Variants in LGI2 observed in about 807,000 individuals in gnomAD.
LGI2 encodes leucine-rich repeat LGI family member 2.
A neutral mutation model predicts 52.0 loss-of-function variants in LGI2; 30 were observed. That is an observed-to-expected ratio of 0.58 (90% CI 0.43 to 0.78). LGI2 has a LOEUF of 0.78. Ranked by LOEUF, LGI2 falls within the 30% of genes least tolerant of loss-of-function variation. LGI2 has a pLI of 0.00. For missense variants in LGI2, 573 were observed against 692.5 expected (o/e 0.83, Z 1.94); for synonymous variants, 270 against 271.8 (o/e 0.99, Z 0.06).
Position 25,003,820 on chromosome 4 carries a change from C to T in LGI2, c.1269G>A (p.Val423=), listed in dbSNP as rs1725319352. The T allele has an allele frequency of 1.2e-6, 2 of 1,614,170 alleles. No individual in the cohort carries two copies. The highest frequency in any genetic ancestry group is 1.7e-6 in the Non-Finnish European group (2 of 1,180,038). ...DIPNMEDVLA[V]KSFRMQNTLY... ...GGGTATTTTGCATTCGGAAGCTCTT[C>T]ACAGCCAGTACGTCCTCCATGTTGG... Residue 423 remains valine (V), a synonymous_variant, in exon 8 of 8, where the codon GTG becomes GTA. Transcript: ENST00000382114.
intron 7 of LGI2, among the ~76,000 whole-genome samples, chr4:25,006,627 T>C (rs1010357264): frequency 3.3e-5 from 5 of 152,214 alleles, no homozygotes; most frequent in Admixed American, 6.5e-5. Context: ...ATTTTGAAAA[T>C]ACTAAGAGGT....
intron 6 of LGI2, among the ~76,000 whole-genome samples, chr4:25,016,896 G>A (rs1725781258): frequency 6.6e-6 from 1 of 152,122 alleles, no homozygotes; most frequent in Non-Finnish European, 1.5e-5. Context: ...TATAAATTGG[G>A]TAAGCAGGTT....
At chr4:25,029,424 G>A (rs1726254168) in intron 1 of LGI2, among the ~76,000 whole-genome samples, 1 of 152,182 alleles carries the variant, frequency 6.6e-6, no homozygotes, top group South Asian at 2.1e-4. Context: ...AATTTGCCTT[G>A]GGTGGGAGGC....
chr4:25,003,156 CG>C lies in LGI2; in HGVS notation c.*294del, dbSNP rs569141952. 8 of 232,980 alleles carry C rather than the reference CG, an allele frequency of 3.4e-5. No homozygotes were observed. The highest frequency in any genetic ancestry group is 5.7e-5 in the Non-Finnish European group (7 of 122,658). The allele number at this position is 232,980 out of a possible 1,614,324, so 14.4% of individuals were successfully genotyped here. Reference sequence around the variant, plus strand: ...AATTGTCTTCTTCCTCATCAAAAAGCGGGGGGGAAGCATATTACATTTCTAG... The same window carrying C: ...AATTGTCTTCTTCCTCATCAAAAAGCGGGGGGAAGCATATTACATTTCTAG... On this transcript the variant is annotated 3_prime_UTR_variant, in exon 8 of 8. Transcript: ENST00000382114.
chr4:25,029,263 A>T (rs1322281973), intron 1 of LGI2, among the ~76,000 whole-genome samples: 1 of 152,216 alleles, frequency 6.6e-6, no homozygotes, highest in Non-Finnish European at 1.5e-5. Flanking sequence ...GAAGGATTTA[A>T]TAAGGGGAAC....
chr4:25,000,442 A>G lies in LGI2; in HGVS notation c.*3009T>C, dbSNP rs1017826597. ...CTATTTATGAACAAATGAGGTGAGTACTAATGTGCATTGGAAAAATATAAA... is the reference window on the plus strand; with the variant it reads ...CTATTTATGAACAAATGAGGTGAGTGCTAATGTGCATTGGAAAAATATAAA... On this transcript the variant is annotated 3_prime_UTR_variant, in exon 8 of 8. Transcript: ENST00000382114. The G allele has an allele frequency of 6.6e-6, 1 of 152,388 alleles. No homozygotes were observed. The highest frequency in any genetic ancestry group is 1.5e-5 in the Non-Finnish European group (1 of 68,168). The allele number at this position is 152,388 out of a possible 1,614,324, so 9.4% of individuals were successfully genotyped here. A position where few individuals can be genotyped will look rare whatever the true frequency, so the allele number is the denominator to read the frequency against.
chr4:25,027,029 T>C, intron 2 of LGI2, 90 bp from the exon 3 acceptor site: 1 of 1,033,924 alleles, frequency 9.7e-7, no homozygotes, highest in East Asian at 2.4e-5. Context: ...CGTTTTGATC[T>C]GTGGGCAAAC....
At chr4:25,023,566 G>C (rs146982152) in intron 4 of LGI2, among the ~76,000 whole-genome samples, 1 of 152,202 alleles carries the variant, frequency 6.6e-6, no homozygotes, top group African/African-American at 2.4e-5. Context: ...TGCCAATATC[G>C]GGGCTTGATG....
At chr4:24,992,733 C>T in the LGI2 span, among the ~76,000 whole-genome samples, 4 of 152,140 alleles carry the variant, frequency 2.6e-5, no homozygotes, top group Non-Finnish European at 4.4e-5. Flanking sequence ...TGAAGAATGG[C>T]CTATCCAGCT....
intron 3 of LGI2, among the ~76,000 whole-genome samples, chr4:25,025,343 G>GT (rs973093790): frequency 6.6e-6 from 1 of 152,150 alleles, no homozygotes; most frequent in African/African-American, 2.4e-5. Flanking sequence ...CCACATTAAA[G>GT]TTTTTTGCTG....
intron 4 of LGI2, among the ~76,000 whole-genome samples, chr4:25,022,075 G>A (rs2109422196): frequency 6.6e-6 from 1 of 152,264 alleles, no homozygotes; most frequent in South Asian, 2.1e-4. Context: ...AGACACTGGG[G>A]GAAGAACAGA....
At chr4:25,019,590 G>A (rs1054212692) in intron 4 of LGI2, among the ~76,000 whole-genome samples, 2 of 152,084 alleles carry the variant, frequency 1.3e-5, no homozygotes, top group South Asian at 2.1e-4. Flanking sequence ...CCATCTCATC[G>A]GTTTCCAACT....
rs6853990 is a variant in LGI2, at chr4:25,000,497, T to G, written c.*2954A>C. On this transcript the variant is annotated 3_prime_UTR_variant, in exon 8 of 8. Transcript: ENST00000382114. ...TGCTAAATGTAAGGTGGCCTTATCA[T>G]CCACTGTCCAATAACACAGTGCTCT... 83,733 of 152,146 alleles carry G rather than the reference T, an allele frequency of 0.55. 23,825 individuals carry two copies. Among genetic ancestry groups the G allele is most frequent in the East Asian group, 0.9 (4,666 of 5,186 alleles). 9.4% of individuals were successfully genotyped at this position (152,146 alleles called of 1,614,324 possible).
intron 7 of LGI2, among the ~76,000 whole-genome samples, chr4:25,006,255 G>A (rs918361532): frequency 7.7e-6 from 1 of 129,044 alleles, no homozygotes; most frequent in Non-Finnish European, 1.7e-5. Flanking sequence ...TTATCACCCT[G>A]CACCCAGATG....
In LGI2 at chr4:25,004,878, TG is replaced by T. The variant is rs1179811147; in HGVS notation, c.821-611del. ...ATCATCCTTCACAATAGCCGAAAGG[TG>T]GAAGCAACCCAAGTTGCTTCAATGG... On this transcript the variant is annotated intron_variant, in intron 7 of 7. Transcript: ENST00000382114. This position sits in a 1 kb window ranked among gnomAD's most constrained non-coding sequence, Gnocchi z 4.6. Among the ~76,000 whole-genome samples the T allele has an allele frequency of 6.6e-6, 1 of 152,166 alleles. No homozygotes were observed. Among genetic ancestry groups the T allele is most frequent in the African/African-American group, 2.4e-5 (1 of 41,454 alleles).
In LGI2 at chr4:25,026,858, C is replaced by A; in HGVS notation, c.341+10G>T. The A allele has an allele frequency of 6.2e-7, 1 of 1,604,662 alleles. No homozygotes were observed. The highest frequency in any genetic ancestry group is 8.5e-7 in the Non-Finnish European group (1 of 1,171,400). ...GAATGTTCAGCAAATAGACAAAGCA[C>A]AAAACTTACAGGTATTCAAGATGAA... On this transcript the variant is annotated intron_variant, in intron 3 of 7. Coordinates refer to ENST00000382114, the MANE Select transcript of LGI2 (RefSeq NM_018176.4).
intron 3 of LGI2, among the ~76,000 whole-genome samples, chr4:25,025,606 T>C (rs990257665): frequency 3.6e-5 from 5 of 137,546 alleles, no homozygotes; most frequent in Non-Finnish European, 7.6e-5. Flanking sequence ...AAATAATTGA[T>C]GTGAATTCAC....
the LGI2 span, among the ~76,000 whole-genome samples, chr4:24,992,597 C>T: frequency 2.6e-5 from 4 of 152,146 alleles, no homozygotes; most frequent in Admixed American, 1.3e-4. Context: ...GCTGGAGAAT[C>T]GCTTGAACTC....
rs545624950 is a variant in LGI2 at position 25,017,826 on chromosome 4, C to T, written c.655+163G>A. Among the ~76,000 whole-genome samples, 18 of 152,114 alleles carry T rather than the reference C, an allele frequency of 1.2e-4. No individual in the cohort carries two copies. The East Asian group carries it at 3.5e-3, about 30-fold the overall frequency. On this transcript the variant is annotated intron_variant, in intron 6 of 7. Coordinates refer to ENST00000382114, the MANE Select transcript of LGI2 (RefSeq NM_018176.4). ...TTCTCCCAAACTTTTGAGATATTTTCCTTACCACATCGATTCATTTCTTTA... is the reference window on the plus strand; with the variant it reads ...TTCTCCCAAACTTTTGAGATATTTTTCTTACCACATCGATTCATTTCTTTA...
Sources: gnomAD v4.1 joint callset for allele counts (sites outside exome capture counted in the v4.1 genomes callset) on GRCh38, gnomAD v4.1.1 for gene constraint, Gnocchi (gnomAD v3.1) non-coding constraint, MANE v1.5 for transcripts, NCBI Gene and HGNC (gene_info 2026-07-23, HGNC 2026-07-21) for gene names.